SLC6A6: variants seen among roughly 807,000 people sequenced by gnomAD.
The protein encoded by SLC6A6 is solute carrier family 6 member 6.
SLC6A6 carries 16 observed loss-of-function variants against 68.8 expected under a neutral mutation model. The ratio of observed to expected loss-of-function variants is 0.23; its 90% CI spans 0.16 to 0.35. SLC6A6 has a LOEUF of 0.35. Among genes scored for constraint, SLC6A6 ranks in the 10% least tolerant of loss-of-function variants. SLC6A6 has a pLI of 1.00. For missense variants in SLC6A6, 474 were observed against 802.8 expected, an observed-to-expected ratio of 0.59 and a Z score of 4.95; for synonymous variants, 312 against 315.4, an observed-to-expected ratio of 0.99 and a Z score of 0.12.
At chr3:14,446,418 C>G (rs939051704) in intron 4 of SLC6A6, among the ~76,000 whole-genome samples, 5 of 152,088 alleles carry the variant, frequency 3.3e-5, no homozygotes, top group African/African-American at 1.2e-4. Flanking sequence ...CCACAAGGGG[C>G]GGGGAGCAAG....
Position 14,443,784 on chromosome 3 carries a change from T to C in SLC6A6, c.150T>C (p.Phe50=). The C allele has an allele frequency of 6.2e-7, 1 of 1,614,150 alleles. No homozygotes were observed. The highest frequency in any genetic ancestry group is 8.5e-7 in the Non-Finnish European group (1 of 1,180,000). Residue 50 remains phenylalanine (F), a synonymous_variant, in exon 3 of 15, where the codon TTT becomes TTC. Transcript: ENST00000622186. ...QREKWSSKID[F]VLSVAGGFVG... is the part of the protein sequence containing the mutation. ...AGAAGTGGTCTAGCAAGATCGACTT[T>C]GTGCTCTCTGTGGCTGGCGGCTTCG...
chr3:14,478,985 C>A, intron 12 of SLC6A6, 100 bp from the exon 13 acceptor site: 1 of 736,716 alleles, frequency 1.4e-6, no homozygotes, highest in South Asian at 1.5e-5. Flanking sequence ...TGTGGAGATG[C>A]AGAGGCCTGG....
intron 1 of SLC6A6, among the ~76,000 whole-genome samples, chr3:14,407,757 G>A (rs972102270): frequency 4.6e-5 from 7 of 152,004 alleles, no homozygotes; most frequent in African/African-American, 7.2e-5. Context: ...CCACCCTTGC[G>A]GGCCTCCCAG....
intron 10 of SLC6A6, among the ~76,000 whole-genome samples, chr3:14,473,479 G>A (rs185611071): frequency 5.1e-4 from 78 of 152,198 alleles, no homozygotes; most frequent in South Asian, 1.5e-3. Context: ...CCCCCTCCCC[G>A]CGGGCCGAAG....
chr3:14,445,915 C>T, intron 4 of SLC6A6, 64 bp downstream of exon 4: 1 of 1,554,038 alleles, frequency 6.4e-7, no homozygotes, highest in Non-Finnish European at 8.9e-7. Context: ...TTTTATTGAG[C>T]ACCTATTGTC....
intron 1 of SLC6A6, among the ~76,000 whole-genome samples, chr3:14,411,761 C>A (rs761293184): frequency 2.6e-4 from 39 of 152,214 alleles, no homozygotes; most frequent in Non-Finnish European, 4.1e-4. Flanking sequence ...TCACCTGTCA[C>A]CATCCATCAA....
chr3:14,418,479 G>A (rs1699413617), intron 2 of SLC6A6, among the ~76,000 whole-genome samples: 1 of 152,174 alleles, frequency 6.6e-6, no homozygotes, highest in Admixed American at 6.5e-5. Context: ...ACATCGGGCA[G>A]GGGTGTGTAC....
intron 5 of SLC6A6, among the ~76,000 whole-genome samples, chr3:14,453,874 G>C (rs1700307397): frequency 6.6e-6 from 1 of 152,178 alleles, no homozygotes; most frequent in Admixed American, 6.5e-5. Context: ...TAGGTCCAAG[G>C]CCTTAAGGCA....
At chr3:14,458,170 G>A (rs1700414151) in intron 6 of SLC6A6, 88 bp downstream of exon 6, 5 of 1,223,094 alleles carry the variant, frequency 4.1e-6, no homozygotes, top group African/African-American at 1.5e-5. Flanking sequence ...AATTAGCCAC[G>A]CCCCAAGAGG....
At chr3:14,422,628 C>T (rs555086932) in intron 2 of SLC6A6, among the ~76,000 whole-genome samples, 1 of 152,236 alleles carries the variant, frequency 6.6e-6, no homozygotes, top group East Asian at 1.9e-4. Context: ...GGCTTCCTGT[C>T]ATTGCTTCTC....
At chr3:14,418,801 T>C (rs1699421577) in intron 2 of SLC6A6, among the ~76,000 whole-genome samples, 1 of 152,188 alleles carries the variant, frequency 6.6e-6, no homozygotes, top group African/African-American at 2.4e-5. Context: ...TCATCCCTAT[T>C]GTACAGATCA....
At chr3:14,434,665 C>A (rs1209307266) in intron 2 of SLC6A6, among the ~76,000 whole-genome samples, 1 of 152,208 alleles carries the variant, frequency 6.6e-6, no homozygotes, top group Non-Finnish European at 1.5e-5. Flanking sequence ...TTGGGCTCTG[C>A]TGTGGGGCAC....
chr3:14,409,067 C>G (rs1699177303), intron 1 of SLC6A6, among the ~76,000 whole-genome samples: 1 of 152,226 alleles, frequency 6.6e-6, no homozygotes, highest in Admixed American at 6.5e-5. Context: ...CTCGGCCTCC[C>G]AAAGTGCTGG....
chr3:14,467,218 C>T (rs147943927), intron 7 of SLC6A6, among the ~76,000 whole-genome samples: 1 of 152,282 alleles, frequency 6.6e-6, no homozygotes, highest in East Asian at 1.9e-4. Flanking sequence ...GGTTGCTTCC[C>T]AAGGGCCTGT....
intron 1 of SLC6A6, among the ~76,000 whole-genome samples, chr3:14,403,363 C>G (rs1278298643): frequency 2.0e-5 from 3 of 152,100 alleles, no homozygotes; most frequent in African/African-American, 7.2e-5. Context: ...CTGCATGAAT[C>G]TGTGTGTGGG....
At chr3:14,457,351 A>G (rs1325711871) in intron 5 of SLC6A6, among the ~76,000 whole-genome samples, 2 of 152,200 alleles carry the variant, frequency 1.3e-5, no homozygotes, top group African/African-American at 4.8e-5. Context: ...GGGCATCTGA[A>G]CACCACAGTT....
intron 1 of SLC6A6, among the ~76,000 whole-genome samples, chr3:14,410,836 T>C (rs1177099308): frequency 6.6e-6 from 1 of 152,196 alleles, no homozygotes; most frequent in Non-Finnish European, 1.5e-5. Context: ...AGTTGCTTGG[T>C]TGGAGGTGGA....
chr3:14,415,417 C>T (rs1699340716), intron 1 of SLC6A6, among the ~76,000 whole-genome samples: 1 of 152,190 alleles, frequency 6.6e-6, no homozygotes, highest in Non-Finnish European at 1.5e-5. Flanking sequence ...CAGGGCAGGG[C>T]TACAGCTACA....
chr3:14,448,994 G>A (rs905119299), intron 5 of SLC6A6, among the ~76,000 whole-genome samples: 27 of 152,362 alleles, frequency 1.8e-4, no homozygotes, highest in African/African-American at 6.0e-4. Context: ...GGTGGTTCTG[G>A]TTCTGAATCA....
Sources: gnomAD v4.1 joint callset for allele counts (sites outside exome capture counted in the v4.1 genomes callset) on GRCh38, gnomAD v4.1.1 for gene constraint, MANE v1.5 for transcripts, NCBI Gene and HGNC (gene_info 2026-07-23, HGNC 2026-07-21) for gene names.